ALPK3: variants seen among roughly 807,000 people sequenced by gnomAD.
ALPK3 encodes alpha kinase 3.
Under a neutral mutation model 140.0 loss-of-function variants are expected in ALPK3, and 102 were observed. The observed-to-expected ratio is 0.73, with a 90% CI of 0.62 to 0.86. The LOEUF is 0.86. ALPK3 is among the 40% of genes least tolerant of loss of function. ALPK3 has a pLI of 0.00. For synonymous variants in ALPK3, 938 were observed against 898.5 expected, an observed-to-expected ratio of 1.04 and a Z score of -0.79; for missense variants, 2,254 against 2,208.2, an observed-to-expected ratio of 1.02 and a Z score of -0.42.
At chr15:84,851,023 G>C (rs1469273552) in intron 5 of ALPK3, among the ~76,000 whole-genome samples, 2 of 152,036 alleles carry the variant, frequency 1.3e-5, no homozygotes, top group African/African-American at 4.8e-5. Flanking sequence ...GGCCTGTACT[G>C]GGCCCTCTTC....
intron 10 of ALPK3, among the ~76,000 whole-genome samples, chr15:84,863,272 G>T (rs1196478974): frequency 6.6e-6 from 1 of 152,122 alleles, no homozygotes; most frequent in Non-Finnish European, 1.5e-5. Flanking sequence ...TACACAGAGT[G>T]GTCTCTGGGA....
chr15:84,868,579 G>T lies in ALPK3; in HGVS notation c.*123G>T, dbSNP rs1596159754. The T allele has an allele frequency of 1.0e-6, 1 of 963,520 alleles. No individual in the cohort carries two copies. The highest frequency in any genetic ancestry group is 2.6e-5 in the East Asian group (1 of 37,912). The allele number at this position is 963,520 out of a possible 1,614,324, so 59.7% of individuals were successfully genotyped here. ...GGTGCACGAAGGAGACACCACTTGG[G>T]GACCTCTCTGAGCAGGCTCTCGTGA... On this transcript the variant is annotated 3_prime_UTR_variant, in exon 14 of 14. Coordinates refer to ENST00000258888, the MANE Select transcript of ALPK3 (RefSeq NM_020778.5).
At position 84,868,542 on chromosome 15, in the gene ALPK3, C is replaced by A; in HGVS notation, c.*86C>A. The A allele has an allele frequency of 1.5e-6, 2 of 1,301,592 alleles. No homozygotes were observed. Among genetic ancestry groups the A allele is most frequent in the Non-Finnish European group, 2.1e-6 (2 of 967,544 alleles). 80.6% of individuals were successfully genotyped at this position (1,301,592 alleles called of 1,614,324 possible). A position where few individuals can be genotyped will look rare whatever the true frequency, so the allele number is the denominator to read the frequency against. ...GGATGGAGACTTTCCAAATATGGAA[C>A]TAACTGGAGAAGGTGCACGAAGGAG... is the stretch of plus-strand genomic sequence containing the variant. On this transcript the variant is annotated 3_prime_UTR_variant, in exon 14 of 14. Transcript: ENST00000258888.
At chr15:84,827,049 C>A (rs1289400470) in intron 2 of ALPK3, among the ~76,000 whole-genome samples, 3 of 152,162 alleles carry the variant, frequency 2.0e-5, no homozygotes, top group African/African-American at 7.2e-5. Context: ...GTTGGCTGGC[C>A]TTCCCCTCTT....
intron 7 of ALPK3, 82 bp downstream of exon 7, chr15:84,859,472 C>T (rs1221734687): frequency 3.3e-6 from 5 of 1,524,792 alleles, no homozygotes; most frequent in Admixed American, 2.0e-5. Context: ...TGCTTTGAAC[C>T]TATCGCCTCA....
At chr15:84,825,788 C>T (rs1963479459) in intron 2 of ALPK3, among the ~76,000 whole-genome samples, 3 of 152,266 alleles carry the variant, frequency 2.0e-5, no homozygotes, top group Admixed American at 2.0e-4. Flanking sequence ...TCAGAAATTG[C>T]TGTTAGTATG....
chr15:84,852,792 A>G (rs1194184788), intron 5 of ALPK3, among the ~76,000 whole-genome samples: 4 of 152,222 alleles, frequency 2.6e-5, no homozygotes, highest in African/African-American at 9.6e-5. Context: ...GTCAGTGATG[A>G]TAAGCCATTG....
At chr15:84,820,519 C>T (rs1309105247) in intron 1 of ALPK3, among the ~76,000 whole-genome samples, 4 of 152,002 alleles carry the variant, frequency 2.6e-5, no homozygotes, top group African/African-American at 4.8e-5. Context: ...CTTGCTCTGA[C>T]ACCCAGGCTG....
At chr15:84,832,046 T>C (rs893664765) in intron 3 of ALPK3, among the ~76,000 whole-genome samples, 1 of 152,204 alleles carries the variant, frequency 6.6e-6, no homozygotes, top group African/African-American at 2.4e-5. Flanking sequence ...TTTTTACATT[T>C]CCAAATAATA....
chr15:84,822,326 G>A (rs1015046580), intron 1 of ALPK3, among the ~76,000 whole-genome samples: 5 of 152,286 alleles, frequency 3.3e-5, no homozygotes, highest in Admixed American at 6.5e-5. Flanking sequence ...CCAGGAGCCC[G>A]GGGTTAGGGG....
intron 5 of ALPK3, among the ~76,000 whole-genome samples, chr15:84,854,723 G>GA (rs1270132989): frequency 6.6e-6 from 1 of 152,150 alleles, no homozygotes; most frequent in Non-Finnish European, 1.5e-5. Flanking sequence ...TCTTACAGGT[G>GA]ACACAGTCAA....
At chr15:84,867,432 T>G in intron 13 of ALPK3, 67 bp downstream of exon 13, 1 of 1,580,336 alleles carries the variant, frequency 6.3e-7, no homozygotes, top group South Asian at 1.1e-5. Flanking sequence ...TCCTAAGCCC[T>G]TCTGGTTCTC....
chr15:84,825,648 T>C (rs1963478151), intron 2 of ALPK3, among the ~76,000 whole-genome samples: 1 of 152,172 alleles, frequency 6.6e-6, no homozygotes, highest in African/African-American at 2.4e-5. Context: ...ATGGATGAGA[T>C]AGGATTCAAA....
At chr15:84,820,883 C>A (rs886562110) in intron 1 of ALPK3, among the ~76,000 whole-genome samples, 1 of 152,240 alleles carries the variant, frequency 6.6e-6, no homozygotes, top group African/African-American at 2.4e-5. Flanking sequence ...CTCAGCCCCA[C>A]AAAGTGTTGG....
chr15:84,840,043 C>T lies in ALPK3; in HGVS notation c.764C>T (p.Thr255Ile). ...CTGGCGGCTTGGCAGGAGGGAGAGA[C>T]TGAGACTGCTCAGCACTCAGGTTTG... is the stretch of plus-strand genomic sequence containing the variant. ...GTLAAWQEGE[T>I]ETAQHSGLGL... The change falls in exon 5 of 14, where the codon ACT becomes ATT. Residue 255 changes from threonine to isoleucine, a missense_variant. Physicochemically the swap from Thr to Ile is moderately conservative, Grantham distance 89. This residue lies in a region of ALPK3 where 2,088 missense variants were observed against 2,022.9 expected (regional missense o/e 1.03). Transcript: ENST00000258888. The T allele has an allele frequency of 6.2e-7, 1 of 1,614,038 alleles. No homozygotes were observed. The highest frequency in any genetic ancestry group is 8.5e-7 in the Non-Finnish European group (1 of 1,180,004).
intron 2 of ALPK3, among the ~76,000 whole-genome samples, chr15:84,825,587 C>T (rs889021547): frequency 2.0e-5 from 3 of 152,188 alleles, no homozygotes; most frequent in Non-Finnish European, 4.4e-5. Flanking sequence ...CTTGTCCAGG[C>T]GGCTTCATAC....
chr15:84,873,201 ATCT>A lies in ALPK3; in HGVS notation c.*4749_*4751del, dbSNP rs1297288145. ...ATTTCTCGTGGCAAGAAGGGAGCTC[ATCT>A]TCTGGGTCCTGCCAGAGGGCAGTGA... On this transcript the variant is annotated 3_prime_UTR_variant, in exon 14 of 14. Transcript: ENST00000258888. The A allele has an allele frequency of 6.6e-6, 1 of 152,306 alleles. No individual in the cohort carries two copies. The highest frequency in any genetic ancestry group is 2.4e-5 in the African/African-American group (1 of 41,556). 9.4% of individuals were successfully genotyped at this position (152,306 alleles called of 1,614,324 possible).
In ALPK3 at chr15:84,871,913, G is replaced by A. The variant is rs538658250; in HGVS notation, c.*3457G>A. ...AGAATTCCATGGATATTGATGGCAG[G>A]AGAGGCATGATGGGTTAGAAAAGCA... On this transcript the variant is annotated 3_prime_UTR_variant, in exon 14 of 14. Coordinates refer to ENST00000258888, the MANE Select transcript of ALPK3 (RefSeq NM_020778.5). 17 of 152,390 alleles carry A rather than the reference G, an allele frequency of 1.1e-4. No individual in the cohort carries two copies. Among genetic ancestry groups the A allele is most frequent in the African/African-American group, 4.1e-4 (17 of 41,574 alleles). 9.4% of individuals were successfully genotyped at this position (152,390 alleles called of 1,614,324 possible).
chr15:84,824,102 A>T (rs548285678), intron 2 of ALPK3, among the ~76,000 whole-genome samples: 1 of 151,976 alleles, frequency 6.6e-6, no homozygotes, highest in South Asian at 2.1e-4. Context: ...GCCTTTTAAA[A>T]TTTTTTTCTG....
Sources: gnomAD v4.1 joint callset for allele counts (sites outside exome capture counted in the v4.1 genomes callset) on GRCh38, gnomAD v4.1.1 for gene constraint, gnomAD v4.1.1 regional missense constraint, MANE v1.5 for transcripts, NCBI Gene and HGNC (gene_info 2026-07-23, HGNC 2026-07-21) for gene names.